Variants in THSD7B observed in about 807,000 individuals in gnomAD.
THSD7B encodes thrombospondin type 1 domain containing 7B.
THSD7B carries 138 observed loss-of-function variants against 213.6 expected under a neutral mutation model. That is an observed-to-expected ratio of 0.65 (90% CI 0.56 to 0.74). THSD7B has a LOEUF of 0.74. Ranked by LOEUF, THSD7B falls within the 30% of genes least tolerant of loss-of-function variation. The pLI is 0.00. For missense variants in THSD7B, 1,931 were observed against 1,991.5 expected, an observed-to-expected ratio of 0.97 and a Z score of 0.58; for synonymous variants, 742 against 687.0, an observed-to-expected ratio of 1.08 and a Z score of -1.25.
intron 27 of THSD7B, among the ~76,000 whole-genome samples, chr2:137,668,684 G>A (rs911883041): frequency 5.9e-5 from 9 of 151,970 alleles, no homozygotes; most frequent in Admixed American, 1.3e-4. Context: ...CTAATGGCCC[G>A]CTTTTGATCA....
intron 7 of THSD7B, among the ~76,000 whole-genome samples, chr2:137,216,416 A>C (rs1681244465): frequency 6.6e-6 from 1 of 151,948 alleles, no homozygotes; most frequent in Non-Finnish European, 1.5e-5. Context: ...CTCTTCTTCC[A>C]TCTCTTCATC....
chr2:137,258,267 T>C (rs1682355098), intron 10 of THSD7B, among the ~76,000 whole-genome samples: 1 of 152,326 alleles, frequency 6.6e-6, no homozygotes, highest in Non-Finnish European at 1.5e-5. Flanking sequence ...TATTAGCCTA[T>C]GTTTTTCTTC....
At chr2:137,103,978 C>G (rs2104927705) in intron 4 of THSD7B, among the ~76,000 whole-genome samples, 1 of 152,200 alleles carries the variant, frequency 6.6e-6, no homozygotes, top group Non-Finnish European at 1.5e-5. Context: ...ATCAACGAGA[C>G]AGAAAATTAA....
rs377158080 is a variant in THSD7B, at chr2:137,655,577, C to A, written c.4022C>A (p.Ala1341Asp). 2.7e-5 allele frequency: 44 copies of A among 1,612,584 alleles called. No homozygotes were observed. The highest frequency in any genetic ancestry group is 2.5e-4 in the East Asian group (11 of 44,854). Residue 1341 changes from alanine (A) to aspartate (D), a missense_variant, in exon 22 of 28, where the codon GCT becomes GAT. Transcript: ENST00000409968. Reference protein sequence around the residue: ...MVHSGSISHAAGRVEDALCGE... With the variant: ...MVHSGSISHADGRVEDALCGE... ...CACAGTGGTTCAATATCTCATGCAG[C>A]TGGACGTGTCGAGGATGCACTGTGT...
At chr2:137,167,367 A>G (rs927885209) in intron 6 of THSD7B, among the ~76,000 whole-genome samples, 6 of 151,332 alleles carry the variant, frequency 4.0e-5, no homozygotes, top group Non-Finnish European at 8.8e-5. Context: ...TGCCTGGCTA[A>G]TTTTTTTGTA....
chr2:137,341,972 TTTG>T (rs367892815), intron 12 of THSD7B, among the ~76,000 whole-genome samples: 1 of 151,638 alleles, frequency 6.6e-6, no homozygotes, highest in Admixed American at 6.6e-5. Flanking sequence ...ATTCAAGACT[TTTG>T]TTGTTGTTGT....
intron 10 of THSD7B, among the ~76,000 whole-genome samples, chr2:137,252,756 G>A (rs1682215620): frequency 6.6e-6 from 1 of 152,114 alleles, no homozygotes; most frequent in South Asian, 2.1e-4. Context: ...GGCTTGTGGT[G>A]TTCCACGGGG....
intron 2 of THSD7B, among the ~76,000 whole-genome samples, chr2:136,937,423 C>G: frequency 1.3e-5 from 2 of 152,172 alleles, no homozygotes; most frequent in South Asian, 4.1e-4. Flanking sequence ...TCGAGGTGAA[C>G]TGATGTGTCT....
chr2:137,134,601 G>A (rs980732213), intron 5 of THSD7B, among the ~76,000 whole-genome samples: 1 of 152,120 alleles, frequency 6.6e-6, no homozygotes, highest in African/African-American at 2.4e-5. Context: ...GTCACATGGG[G>A]CAAGGGCTTA....
intron 7 of THSD7B, among the ~76,000 whole-genome samples, chr2:137,212,186 T>C (rs1681126893): frequency 6.6e-6 from 1 of 152,090 alleles, no homozygotes; most frequent in Non-Finnish European, 1.5e-5. Context: ...TACCTTTGGC[T>C]TCACTTACAT....
intron 12 of THSD7B, among the ~76,000 whole-genome samples, chr2:137,336,366 GT>G (rs1684639518): frequency 6.6e-6 from 1 of 152,184 alleles, no homozygotes; most frequent in African/African-American, 2.4e-5. Flanking sequence ...GCTCACGTAA[GT>G]TGAGTTTTTA....
chr2:137,443,093 T>G (rs1687453926), intron 14 of THSD7B, among the ~76,000 whole-genome samples: 2 of 152,164 alleles, frequency 1.3e-5, no homozygotes, highest in African/African-American at 4.8e-5. Context: ...GATTGTTCTG[T>G]GTCTAGTCTC....
intron 16 of THSD7B, among the ~76,000 whole-genome samples, chr2:137,570,303 AATT>A (rs766131565): frequency 4.7e-5 from 7 of 150,076 alleles, no homozygotes; most frequent in South Asian, 4.2e-4. Context: ...TATTATTATT[AATT>A]ATTATTATTA....
intron 2 of THSD7B, among the ~76,000 whole-genome samples, chr2:136,883,573 C>A (rs1683663121): frequency 1.3e-5 from 2 of 151,908 alleles, no homozygotes; most frequent in African/African-American, 4.8e-5. Flanking sequence ...TTGATCAAAT[C>A]AAAATATGCA....
At chr2:137,546,478 A>AATAT (rs369894283) in intron 15 of THSD7B, among the ~76,000 whole-genome samples, 2 of 55,620 alleles carry the variant, frequency 3.6e-5, no homozygotes, top group Non-Finnish European at 5.9e-5. Context: ...ATATATATAT[A>AATAT]ATATATATAT....
At chr2:137,470,891 ATTTC>A (rs1316534496) in intron 15 of THSD7B, among the ~76,000 whole-genome samples, 2 of 125,934 alleles carry the variant, frequency 1.6e-5, no homozygotes, top group Non-Finnish European at 3.4e-5. Flanking sequence ...AGCCCTTCCT[ATTTC>A]TTTATTTTTC....
At chr2:136,858,020 G>A (rs374662431) in intron 1 of THSD7B, among the ~76,000 whole-genome samples, 1 of 152,162 alleles carries the variant, frequency 6.6e-6, no homozygotes, top group Non-Finnish European at 1.5e-5. Flanking sequence ...TGTTTGTAGA[G>A]TCTGTAGCCT....
At chr2:137,028,908 C>T (rs72985565) in intron 2 of THSD7B, among the ~76,000 whole-genome samples, 10,871 of 152,062 alleles carry the variant, frequency 0.071, 421 homozygotes, top group East Asian at 0.14. Flanking sequence ...AATATATAGA[C>T]GTACCTATAA....
At chr2:137,009,429 T>C (rs537847116) in intron 2 of THSD7B, among the ~76,000 whole-genome samples, 2 of 152,156 alleles carry the variant, frequency 1.3e-5, no homozygotes, top group Admixed American at 1.3e-4. Flanking sequence ...CTCTACCCAA[T>C]AGAAGTCAGA....
Sources: allele counts gnomAD v4.1 joint callset (sites outside exome capture counted in the v4.1 genomes callset), GRCh38; gene constraint gnomAD v4.1.1; transcripts MANE v1.5; gene names NCBI Gene and HGNC (gene_info 2026-07-23, HGNC 2026-07-21).